Variants in SDK1 observed in about 807,000 individuals in gnomAD.
The protein encoded by SDK1 is sidekick cell adhesion molecule 1, also known as protein sidekick-1.
SDK1 carries 157 observed loss-of-function variants against 245.5 expected under a neutral mutation model. That is an observed-to-expected ratio of 0.64 (90% CI 0.56 to 0.73). SDK1 has a LOEUF of 0.73. Ranked by LOEUF, SDK1 falls within the 30% of genes least tolerant of loss-of-function variation. The pLI is 0.00. For missense variants in SDK1, 3,583 were observed against 3,002.3 expected (o/e 1.19, Z -4.52); for synonymous variants, 1,647 against 1,278.5 (o/e 1.29, Z -6.15).
At chr7:3,324,047 A>C (rs1163809815) in intron 1 of SDK1, among the ~76,000 whole-genome samples, 1 of 152,050 alleles carries the variant, frequency 6.6e-6, no homozygotes, top group Non-Finnish European at 1.5e-5. Context: ...TAAGCATGAG[A>C]GAAATGAGTG....
intron 17 of SDK1, among the ~76,000 whole-genome samples, chr7:4,020,361 T>C (rs1786789171): frequency 6.6e-6 from 1 of 152,118 alleles, no homozygotes; most frequent in African/African-American, 2.4e-5. Flanking sequence ...CCCTCTGTGC[T>C]ATTCAAGGAC....
chr7:3,356,493 A>T (rs1022758806), intron 1 of SDK1, among the ~76,000 whole-genome samples: 35 of 152,028 alleles, frequency 2.3e-4, no homozygotes, highest in African/African-American at 8.5e-4. Flanking sequence ...GTATATTTGG[A>T]TGATCTAAGA....
At chr7:4,202,669 C>T (rs527649318) in intron 35 of SDK1, among the ~76,000 whole-genome samples, 82 of 152,328 alleles carry the variant, frequency 5.4e-4, no homozygotes, top group African/African-American at 1.8e-3. Context: ...CATCATTCTC[C>T]CTGCAGAGTT....
intron 19 of SDK1, among the ~76,000 whole-genome samples, chr7:4,067,411 G>GTTTGCACAAGGTTACAGAAAAA (rs1206497720): frequency 6.6e-6 from 1 of 152,164 alleles, no homozygotes; most frequent in Non-Finnish European, 1.5e-5. Flanking sequence ...CCTGCCCCTG[G>GTTTGCACAAGGTTACAGAAAAA]GCCCAGGGTC....
intron 4 of SDK1, among the ~76,000 whole-genome samples, chr7:3,810,840 T>C (rs1779366272): frequency 6.6e-6 from 1 of 152,198 alleles, no homozygotes; most frequent in Non-Finnish European, 1.5e-5. Flanking sequence ...GGTGGAAGTA[T>C]CCGAAGACAA....
Position 3,534,230 on chromosome 7 carries a change from CT to C in SDK1, c.299-84842del, listed in dbSNP as rs140143315. ...TTGTCACATATTGCAGGATTTCGCT[CT>C]TTTTTTTAAGTTAATATTCCATTAT... On this transcript the variant is annotated intron_variant, in intron 1 of 44. Coordinates refer to ENST00000404826, the MANE Select transcript of SDK1 (RefSeq NM_152744.4). Among the ~76,000 whole-genome samples the C allele has an allele frequency of 2.0e-5, 3 of 151,906 alleles. No individual in the cohort carries two copies. The South Asian group carries it at 6.2e-4, about 32-fold the overall frequency.
At chr7:3,780,842 T>A (rs1210411201) in intron 4 of SDK1, among the ~76,000 whole-genome samples, 1 of 151,956 alleles carries the variant, frequency 6.6e-6, no homozygotes, top group Non-Finnish European at 1.5e-5. Context: ...GCCTGCCCAA[T>A]GACCCCACCC....
At chr7:3,946,458 G>A (rs1048692702) in intron 5 of SDK1, among the ~76,000 whole-genome samples, 1 of 152,084 alleles carries the variant, frequency 6.6e-6, no homozygotes, top group African/African-American at 2.4e-5. Flanking sequence ...GGGACTACAT[G>A]TGTGTGCCAC....
intron 5 of SDK1, among the ~76,000 whole-genome samples, chr7:3,917,890 C>T (rs970392554): frequency 1.3e-5 from 2 of 152,188 alleles, no homozygotes; most frequent in African/African-American, 4.8e-5. Flanking sequence ...GGTTTCTGGT[C>T]TCCATACAAA....
rs73298379 is a variant in SDK1, at chr7:3,409,870, G to A, written c.298+107986G>A. Among the ~76,000 whole-genome samples the A allele has an allele frequency of 9.4e-3, 1,434 of 152,174 alleles. 34 individuals carry two copies. Among genetic ancestry groups the A allele is most frequent in the African/African-American group, 0.032 (1,348 of 41,484 alleles). On this transcript the variant is annotated intron_variant, in intron 1 of 44. Transcript: ENST00000404826. ...GGAACTCTCCTAGCAGAGTTTAAGC[G>A]AATGAGCGTATATATTTGATGAGGT... is the stretch of plus-strand genomic sequence containing the variant.
At chr7:3,715,446 A>G (rs1339024022) in intron 4 of SDK1, among the ~76,000 whole-genome samples, 2 of 152,136 alleles carry the variant, frequency 1.3e-5, no homozygotes, top group Non-Finnish European at 2.9e-5. Context: ...GCCCAAAGAT[A>G]TCCTCTCAGC....
chr7:3,898,494 T>G (rs904020852), intron 5 of SDK1, among the ~76,000 whole-genome samples: 3 of 152,224 alleles, frequency 2.0e-5, no homozygotes, highest in African/African-American at 7.2e-5. Context: ...TGAAAATTAC[T>G]CACTTTTCAT....
intron 1 of SDK1, among the ~76,000 whole-genome samples, chr7:3,605,304 T>G (rs1781386094): frequency 6.6e-6 from 1 of 152,248 alleles, no homozygotes; most frequent in African/African-American, 2.4e-5. Context: ...ATTCTATCTG[T>G]AAGGAGAAAG....
chr7:3,740,756 C>T (rs886479633), intron 4 of SDK1, among the ~76,000 whole-genome samples: 4 of 152,150 alleles, frequency 2.6e-5, no homozygotes, highest in African/African-American at 7.2e-5. Flanking sequence ...CTTGAATAAA[C>T]AGTACTTAGA....
intron 4 of SDK1, among the ~76,000 whole-genome samples, chr7:3,773,351 C>T (rs1390344827): frequency 1.3e-5 from 2 of 152,038 alleles, no homozygotes; most frequent in East Asian, 3.9e-4. Context: ...TTTATCACTT[C>T]AGTTTTTTTT....
At chr7:4,160,770 C>T (rs1326060653) in intron 31 of SDK1, among the ~76,000 whole-genome samples, 1 of 152,178 alleles carries the variant, frequency 6.6e-6, no homozygotes, top group African/African-American at 2.4e-5. Context: ...AAGCTGGAAC[C>T]ACAGGAGGTT....
chr7:4,135,209 A>G lies in SDK1; in HGVS notation c.4228+2786A>G, dbSNP rs574040229. On this transcript the variant is annotated intron_variant, in intron 28 of 44. Transcript: ENST00000404826. ...ATAATTGAGGCCACAATGAAATCCC[A>G]TTTCACATTCGCCAGATTTGGCACC... 3.9e-5 allele frequency among the ~76,000 whole-genome samples: 6 copies of G among 152,324 alleles called. No individual in the cohort carries two copies. The East Asian group carries it at 1.2e-3, about 29-fold the overall frequency.
chr7:3,607,454 T>C (rs943455149), intron 1 of SDK1, among the ~76,000 whole-genome samples: 27 of 152,346 alleles, frequency 1.8e-4, no homozygotes, highest in African/African-American at 6.3e-4. Flanking sequence ...GAAGATAAGC[T>C]CCATGAAGGT....
chr7:3,623,075 T>A (rs1208360557), intron 2 of SDK1, among the ~76,000 whole-genome samples: 3 of 152,130 alleles, frequency 2.0e-5, no homozygotes, highest in South Asian at 2.1e-4. Context: ...GGTAGTTGTT[T>A]CCCACCTTAA....
Sources: allele counts gnomAD v4.1 joint callset (sites outside exome capture counted in the v4.1 genomes callset), GRCh38; gene constraint gnomAD v4.1.1; transcripts MANE v1.5; gene names NCBI Gene and HGNC (gene_info 2026-07-23, HGNC 2026-07-21).